Variants in HAS3 observed in about 807,000 individuals in gnomAD.
The protein encoded by HAS3 is HA synthase 3.
Under a neutral mutation model 50.3 loss-of-function variants are expected in HAS3, and 27 were observed. The ratio of observed to expected loss-of-function variants is 0.54; its 90% CI spans 0.40 to 0.74. The LOEUF (loss-of-function observed/expected upper bound fraction) is 0.74, where lower values mean the gene tolerates loss of function less well. Ranked by LOEUF, HAS3 falls within the 30% of genes least tolerant of loss-of-function variation. HAS3 has a pLI of 0.00. For synonymous variants in HAS3, 339 were observed against 310.9 expected, an observed-to-expected ratio of 1.09 and a Z score of -0.95; for missense variants, 517 against 742.8, an observed-to-expected ratio of 0.70 and a Z score of 3.53.
In HAS3 at chr16:69,114,198, T is replaced by G; in HGVS notation, c.739-145T>G. 7.9e-7 allele frequency: 1 copy of G among 1,265,434 alleles called. No individual in the cohort carries two copies. The highest frequency in any genetic ancestry group is 2.6e-5 in the Admixed American group (1 of 38,940). The allele number at this position is 1,265,434 out of a possible 1,614,324, so 78.4% of individuals were successfully genotyped here. A position where few individuals can be genotyped will look rare whatever the true frequency, so the allele number is the denominator to read the frequency against. On this transcript the variant is annotated intron_variant, in intron 3 of 3. Transcript: ENST00000569188. The surrounding 1 kb of genome is among the most constrained non-coding windows in gnomAD (Gnocchi z 6.4). ...TGTGTGTGGTTGGCTCCTCTGAGCC[T>G]CAGGTTTCCCAGCTCCAAAGGAACC...
chr16:69,087,475 T>C, the HAS3 span, among the ~76,000 whole-genome samples: 1 of 152,172 alleles, frequency 6.6e-6, no homozygotes, highest in East Asian at 1.9e-4. Context: ...TAACTTTTGC[T>C]TTGCTCCTTA....
the HAS3 span, among the ~76,000 whole-genome samples, chr16:69,091,467 T>G: frequency 1.8e-4 from 28 of 152,344 alleles, no homozygotes; most frequent in Middle Eastern, 3.4e-3. Flanking sequence ...TATAACCATT[T>G]CAAATGTTAG....
Position 69,107,222 on chromosome 16 carries a change from G to A in HAS3, c.-1+1435G>A, listed in dbSNP as rs1399390142. ...AGCCTGCACCAGCGCCTGATTGCAC[G>A]TGGGGTATCTGGCTGAGGGACATTT... On this transcript the variant is annotated intron_variant, in intron 1 of 3. Transcript: ENST00000569188. This position sits in a 1 kb window ranked among gnomAD's most constrained non-coding sequence, Gnocchi z 5.5. 1.9e-6 allele frequency: 1 copy of A among 533,878 alleles called. No individual in the cohort carries two copies. The highest frequency in any genetic ancestry group is 2.1e-5 in the African/African-American group (1 of 48,692). The allele number at this position is 533,878 out of a possible 1,614,324, so 33.1% of individuals were successfully genotyped here.
At chr16:69,105,003 T>G (rs1302351062), upstream of HAS3, among the ~76,000 whole-genome samples, 348 of 74,034 alleles carry the variant, frequency 4.7e-3, 5 homozygotes, top group African/African-American at 0.017. Context: ...TTTTTTTTTT[T>G]TTTTTTTTTT....
Position 69,109,346 on chromosome 16 carries a change from G to T in HAS3, c.1-50G>T. 1 of 1,552,540 alleles carries T rather than the reference G, an allele frequency of 6.4e-7. No individual in the cohort carries two copies. Among genetic ancestry groups the T allele is most frequent in the South Asian group, 1.2e-5 (1 of 82,434 alleles). ...GAGAACACCCATGCTCCCACGGACT[G>T]GAAATGCTGCCTCCTGCCTGACCCT... is the stretch of plus-strand genomic sequence containing the variant. On this transcript the variant is annotated intron_variant, in intron 1 of 3. Coordinates refer to ENST00000569188, the MANE Select transcript of HAS3 (RefSeq NM_001199280.2). This position sits in a 1 kb window ranked among gnomAD's most constrained non-coding sequence, Gnocchi z 5.3.
At chr16:69,113,343 G>T in intron 2 of HAS3, 98 bp from the exon 3 acceptor site, 2 of 802,444 alleles carry the variant, frequency 2.5e-6, no homozygotes, top group Non-Finnish European at 4.5e-6. Flanking sequence ...GTGTGAAGGG[G>T]TCATGTCTCT....
At chr16:69,095,367 CTCT>C in the HAS3 span, among the ~76,000 whole-genome samples, 2 of 152,166 alleles carry the variant, frequency 1.3e-5, no homozygotes, top group African/African-American at 2.4e-5. Flanking sequence ...TGGACAGACA[CTCT>C]TCTTACGTGC....
At position 69,114,722 on chromosome 16, in the gene HAS3, A is replaced by G; in HGVS notation, c.1118A>G (p.His373Arg). 6.2e-7 allele frequency: 1 copy of G among 1,614,100 alleles called. No individual in the cohort carries two copies. Among genetic ancestry groups the G allele is most frequent in the South Asian group, 1.1e-5 (1 of 91,072 alleles). ...REWLYNSLWF[H>R]KHHLWMTYES... is the part of the protein sequence containing the mutation. ...TGGCTCTACAACTCTCTGTGGTTCCATAAGCACCACCTCTGGATGACCTAC... is the reference window on the plus strand; with the variant it reads ...TGGCTCTACAACTCTCTGTGGTTCCGTAAGCACCACCTCTGGATGACCTAC... The change falls in exon 4 of 4, where the codon CAT (histidine) becomes CGT (arginine). Residue 373 changes from histidine (H) to arginine (R), a missense_variant. His to Arg is a conservative substitution (Grantham distance 29, BLOSUM62 0). Transcript: ENST00000569188. The surrounding 1 kb of genome is among the most constrained non-coding windows in gnomAD (Gnocchi z 6.4).
At chr16:69,103,180 C>T (rs952606174), upstream of HAS3, among the ~76,000 whole-genome samples, 3 of 152,228 alleles carry the variant, frequency 2.0e-5, no homozygotes, top group Non-Finnish European at 4.4e-5. Flanking sequence ...AGCCTCTAAA[C>T]GGAGCGTTTG....
In HAS3 at chr16:69,116,121, A is replaced by AT. The variant is rs1961170390; in HGVS notation, c.*859dup. ...TCAGAAAAGAAGTGAAGTCTTGGGT[A>AT]TTTTAACCTGTATACTCTTGAATTC... On this transcript the variant is annotated 3_prime_UTR_variant, in exon 4 of 4. Coordinates refer to ENST00000569188, the MANE Select transcript of HAS3 (RefSeq NM_001199280.2). 1 of 985,352 alleles carries AT rather than the reference A, an allele frequency of 1.0e-6. No homozygotes were observed. Among genetic ancestry groups the AT allele is most frequent in the East Asian group, 1.1e-4 (1 of 8,828 alleles). The allele number at this position is 985,352 out of a possible 1,614,324, so 61.0% of individuals were successfully genotyped here. A position where few individuals can be genotyped will look rare whatever the true frequency, so the allele number is the denominator to read the frequency against.
At position 69,117,087 on chromosome 16, in the gene HAS3, C is replaced by T; in HGVS notation, c.*1821C>T. 1 of 985,740 alleles carries T rather than the reference C, an allele frequency of 1.0e-6. No individual in the cohort carries two copies. Among genetic ancestry groups the T allele is most frequent in the African/African-American group, 1.7e-5 (1 of 57,362 alleles). 61.1% of individuals were successfully genotyped at this position (985,740 alleles called of 1,614,324 possible). On this transcript the variant is annotated 3_prime_UTR_variant, in exon 4 of 4. Coordinates refer to ENST00000569188, the MANE Select transcript of HAS3 (RefSeq NM_001199280.2). Reference sequence around the variant, plus strand: ...GACTGCTGGTTGACATCAGACCCAACCCATGAAGGCTGGAAGGCAGCAGGC... The same window carrying T: ...GACTGCTGGTTGACATCAGACCCAATCCATGAAGGCTGGAAGGCAGCAGGC...
chr16:69,118,459 G>A (rs772765577), downstream of HAS3: 22 of 1,586,834 alleles, frequency 1.4e-5, no homozygotes, highest in East Asian at 2.2e-5. Context: ...CTAGAGAGCA[G>A]TGAGCTGATT....
the HAS3 span, chr16:69,083,661 G>A: frequency 6.4e-6 from 10 of 1,555,786 alleles, no homozygotes; most frequent in Admixed American, 1.8e-4. Context: ...TCCTGCCGTA[G>A]ACCTGGCTCC....
At position 69,114,210 on chromosome 16, in the gene HAS3, G is replaced by A; in HGVS notation, c.739-133G>A. On this transcript the variant is annotated intron_variant, in intron 3 of 3. Transcript: ENST00000569188. This position sits in a 1 kb window ranked among gnomAD's most constrained non-coding sequence, Gnocchi z 6.4. ...GCTCCTCTGAGCCTCAGGTTTCCCA[G>A]CTCCAAAGGAACCGATGGCCAGGAA... The A allele has an allele frequency of 7.2e-7, 1 of 1,391,248 alleles. No individual in the cohort carries two copies. The highest frequency in any genetic ancestry group is 1.4e-5 in the South Asian group (1 of 70,298). 86.2% of individuals were successfully genotyped at this position (1,391,248 alleles called of 1,614,324 possible). A position where few individuals can be genotyped will look rare whatever the true frequency, so the allele number is the denominator to read the frequency against.
chr16:69,115,433 G>A lies in HAS3; in HGVS notation c.*167G>A, dbSNP rs1961150139. ...AACGGTGATGTAGTATGGCCTGACA[G>A]CTCTGTTTAGAGGAGGCAACACTGA... On this transcript the variant is annotated 3_prime_UTR_variant, in exon 4 of 4. Coordinates refer to ENST00000569188, the MANE Select transcript of HAS3 (RefSeq NM_001199280.2). 1 of 1,349,242 alleles carries A rather than the reference G, an allele frequency of 7.4e-7. No homozygotes were observed. The highest frequency in any genetic ancestry group is 9.5e-7 in the Non-Finnish European group (1 of 1,055,658). 83.6% of individuals were successfully genotyped at this position (1,349,242 alleles called of 1,614,324 possible).
At position 69,111,157 on chromosome 16, in the gene HAS3, A is replaced by ATTTTTTTTTT. The variant is rs71148963; in HGVS notation, c.636+1149_636+1158dup. On this transcript the variant is annotated intron_variant, in intron 2 of 3. Transcript: ENST00000569188. ...TAGGACCCTGGATTTCTAGGCCAGG[A>ATTTTTTTTTT]TTTTTTTTTTTTTTTTTTTTTTTTT... Among the ~76,000 whole-genome samples the ATTTTTTTTTT allele has an allele frequency of 2.6e-4, 16 of 62,304 alleles. 2 individuals carry two copies. Among genetic ancestry groups the ATTTTTTTTTT allele is most frequent in the African/African-American group, 4.4e-4 (6 of 13,698 alleles). The allele number at this position is 62,304 out of a possible 152,430, so 40.9% of individuals were successfully genotyped here. A position where few individuals can be genotyped will look rare whatever the true frequency, so the allele number is the denominator to read the frequency against.
chr16:69,107,657 G>T lies in HAS3; in HGVS notation c.1-1739G>T, dbSNP rs1960852710. The T allele has an allele frequency of 1.0e-6, 1 of 985,520 alleles. No individual in the cohort carries two copies. The highest frequency in any genetic ancestry group is 4.7e-5 in the South Asian group (1 of 21,294). The allele number at this position is 985,520 out of a possible 1,614,324, so 61.0% of individuals were successfully genotyped here. A position where few individuals can be genotyped will look rare whatever the true frequency, so the allele number is the denominator to read the frequency against. ...GGCGCCCCCTTCCCCTACCCAGAGC[G>T]CAGGCAGGCAGGGGGGTCCCGCCGC... On this transcript the variant is annotated intron_variant, in intron 1 of 3. Transcript: ENST00000569188. This position sits in a 1 kb window ranked among gnomAD's most constrained non-coding sequence, Gnocchi z 5.5.
upstream of HAS3, among the ~76,000 whole-genome samples, chr16:69,102,386 C>T (rs1446523496): frequency 3.3e-5 from 5 of 152,170 alleles, no homozygotes; most frequent in East Asian, 7.7e-4. Flanking sequence ...GAGATAAACT[C>T]GAGCTTGATT....
rs566964921 is a variant in HAS3 at position 69,116,863 on chromosome 16, G to C, written c.*1597G>C. On this transcript the variant is annotated 3_prime_UTR_variant, in exon 4 of 4. Transcript: ENST00000569188. ...CTTTCTCAGAGGGGCCAGCTAACCC[G>C]TGCAGAACCAGCACTAAGGTGGACA... The C allele has an allele frequency of 1.0e-6, 1 of 985,408 alleles. No individual in the cohort carries two copies. The highest frequency in any genetic ancestry group is 1.2e-6 in the Non-Finnish European group (1 of 829,940). The allele number at this position is 985,408 out of a possible 1,614,324, so 61.0% of individuals were successfully genotyped here. A position where few individuals can be genotyped will look rare whatever the true frequency, so the allele number is the denominator to read the frequency against.
Sources: allele counts gnomAD v4.1 joint callset (sites outside exome capture counted in the v4.1 genomes callset), GRCh38; gene constraint gnomAD v4.1.1; non-coding constraint Gnocchi (gnomAD v3.1); transcripts MANE v1.5; gene names NCBI Gene and HGNC (gene_info 2026-07-23, HGNC 2026-07-21).